The following UBE2E2 variants were observed in gnomAD, a reference collection of about 807,000 sequenced individuals.
The protein encoded by UBE2E2 is ubiquitin-conjugating enzyme E2 E2.
UBE2E2 carries 6 observed loss-of-function variants against 24.7 expected under a neutral mutation model. The ratio of observed to expected loss-of-function variants is 0.24; its 90% confidence interval spans 0.13 to 0.48. The LOEUF (loss-of-function observed/expected upper bound fraction) is 0.48, where lower values mean the gene tolerates loss of function less well. UBE2E2 is among the 20% of genes least tolerant of loss of function. The pLI is 0.99. For synonymous variants in UBE2E2, 104 were observed against 83.6 expected (o/e 1.24, Z -1.33); for missense variants, 169 against 245.0 (o/e 0.69, Z 2.07).
chr3:23,378,997 C>G (rs1255214472), intron 3 of UBE2E2, among the ~76,000 whole-genome samples: 2 of 152,100 alleles, frequency 1.3e-5, no homozygotes, highest in African/African-American at 2.4e-5. Flanking sequence ...ATGTTGTGAT[C>G]CATATACTTC....
chr3:23,563,086 C>T (rs1477412851), intron 5 of UBE2E2, among the ~76,000 whole-genome samples: 4 of 152,020 alleles, frequency 2.6e-5, no homozygotes, highest in African/African-American at 9.7e-5. Context: ...CTTCTCTGAT[C>T]TTAGTTATTT....
intron 4 of UBE2E2, among the ~76,000 whole-genome samples, chr3:23,510,913 A>G (rs909496138): frequency 2.0e-5 from 3 of 152,218 alleles, no homozygotes; most frequent in African/African-American, 4.8e-5. Flanking sequence ...GGGCTGACAC[A>G]ATAGTTCAGC....
At chr3:23,248,304 C>T (rs1697473283) in intron 3 of UBE2E2, among the ~76,000 whole-genome samples, 1 of 152,228 alleles carries the variant, frequency 6.6e-6, no homozygotes, top group South Asian at 2.1e-4. Flanking sequence ...ACTGGTGTTC[C>T]ACACCTTCTC....
At chr3:23,386,668 A>G (rs1213271679) in intron 3 of UBE2E2, among the ~76,000 whole-genome samples, 1 of 152,264 alleles carries the variant, frequency 6.6e-6, no homozygotes, top group African/African-American at 2.4e-5. Flanking sequence ...GAATTTTTAC[A>G]TATTAAGAGC....
At chr3:23,489,999 A>G (rs890374601) in intron 3 of UBE2E2, among the ~76,000 whole-genome samples, 12 of 151,842 alleles carry the variant, frequency 7.9e-5, no homozygotes, top group Non-Finnish European at 1.3e-4. Context: ...TATAGTGGAA[A>G]AGGGAAAAAA....
intron 3 of UBE2E2, among the ~76,000 whole-genome samples, chr3:23,412,338 G>T (rs1280372052): frequency 6.6e-6 from 1 of 151,960 alleles, no homozygotes; most frequent in Non-Finnish European, 1.5e-5. Context: ...TTGTATACTA[G>T]ATCATTTTGG....
At chr3:23,555,047 C>G (rs1559420036) in intron 5 of UBE2E2, among the ~76,000 whole-genome samples, 1 of 151,954 alleles carries the variant, frequency 6.6e-6, no homozygotes, top group Admixed American at 6.6e-5. Context: ...TCCTGAGTAG[C>G]TGGTACTACA....
intron 3 of UBE2E2, among the ~76,000 whole-genome samples, chr3:23,290,116 G>GT (rs1698722653): frequency 6.6e-6 from 1 of 152,226 alleles, no homozygotes; most frequent in African/African-American, 2.4e-5. Flanking sequence ...TTTAGAATAT[G>GT]TATGTATATG....
At chr3:23,300,408 G>C (rs1699039724) in intron 3 of UBE2E2, among the ~76,000 whole-genome samples, 1 of 152,168 alleles carries the variant, frequency 6.6e-6, no homozygotes, top group South Asian at 2.1e-4. Flanking sequence ...GCATGTTTTT[G>C]CAGTGGCTGG....
chr3:23,316,966 C>G (rs1694598236), intron 3 of UBE2E2, among the ~76,000 whole-genome samples: 1 of 152,114 alleles, frequency 6.6e-6, no homozygotes, highest in Non-Finnish European at 1.5e-5. Context: ...TGTGACTGAG[C>G]TGGTATCCAA....
intron 4 of UBE2E2, among the ~76,000 whole-genome samples, chr3:23,532,061 CAA>C (rs538531736): frequency 1.6e-3 from 147 of 91,222 alleles, no homozygotes; most frequent in African/African-American, 4.9e-3. Context: ...AACTCTATCT[CAA>C]AAAAAAAAAA....
intron 3 of UBE2E2, among the ~76,000 whole-genome samples, chr3:23,321,298 G>A (rs1392176238): frequency 6.6e-6 from 1 of 152,144 alleles, no homozygotes; most frequent in Non-Finnish European, 1.5e-5. Flanking sequence ...TCCATAAAGA[G>A]CTTGTTCTTT....
At chr3:23,533,086 A>G (rs957340286) in intron 5 of UBE2E2, among the ~76,000 whole-genome samples, 10 of 152,218 alleles carry the variant, frequency 6.6e-5, no homozygotes, top group African/African-American at 2.2e-4. Context: ...AAAATCTGAT[A>G]ACAACCAGGC....
At chr3:23,330,458 T>G (rs1325221255) in intron 3 of UBE2E2, among the ~76,000 whole-genome samples, 2 of 152,206 alleles carry the variant, frequency 1.3e-5, no homozygotes, top group Non-Finnish European at 2.9e-5. Flanking sequence ...AGGTGACAGC[T>G]GTTTTTAAAA....
At chr3:23,430,228 C>G (rs528896938) in intron 3 of UBE2E2, among the ~76,000 whole-genome samples, 1 of 152,268 alleles carries the variant, frequency 6.6e-6, no homozygotes, top group South Asian at 2.1e-4. Flanking sequence ...AATAGCGCAG[C>G]TTATTCTATA....
At chr3:23,376,450 G>A (rs1401722286) in intron 3 of UBE2E2, among the ~76,000 whole-genome samples, 2 of 152,204 alleles carry the variant, frequency 1.3e-5, no homozygotes, top group Non-Finnish European at 2.9e-5. Context: ...ATACTTGATA[G>A]GTAAGATACG....
At chr3:23,450,113 A>G (rs1559387232) in intron 3 of UBE2E2, among the ~76,000 whole-genome samples, 1 of 152,354 alleles carries the variant, frequency 6.6e-6, no homozygotes, top group East Asian at 1.9e-4. Context: ...AAAATGAGAT[A>G]AAAGCCTGCT....
intron 5 of UBE2E2, among the ~76,000 whole-genome samples, chr3:23,556,524 T>C (rs1464007887): frequency 7.0e-6 from 1 of 142,916 alleles, no homozygotes; most frequent in African/African-American, 2.6e-5. Context: ...AAAAGAAAGA[T>C]TAGAATCATT....
At chr3:23,207,484 A>G (rs936388357) in intron 1 of UBE2E2, among the ~76,000 whole-genome samples, 2 of 152,106 alleles carry the variant, frequency 1.3e-5, no homozygotes, top group African/African-American at 4.8e-5. Context: ...TTGCTTTAGT[A>G]TATAGCTGAA....
Sources: allele counts gnomAD v4.1 joint callset (sites outside exome capture counted in the v4.1 genomes callset), GRCh38; gene constraint gnomAD v4.1.1; transcripts MANE v1.5; gene names NCBI Gene and HGNC (gene_info 2026-07-23, HGNC 2026-07-21).